Variants in MYRFL observed in about 807,000 individuals in gnomAD.
MYRFL encodes myelin regulatory factor-like protein.
In MYRFL, 88 loss-of-function variants were observed where a neutral mutation model predicts 109.4. The observed-to-expected ratio is 0.80, with a 90% CI of 0.68 to 0.96. MYRFL has a LOEUF of 0.96. Among genes scored for constraint, MYRFL ranks in the 40% least tolerant of loss-of-function variants. The probability of loss-of-function intolerance (pLI) is 0.00; values close to 1 mark genes in which losing one functional copy is unlikely to be tolerated. For missense variants in MYRFL, 957 were observed against 954.9 expected, an observed-to-expected ratio of 1.00 and a Z score of -0.03; for synonymous variants, 324 against 320.9, an observed-to-expected ratio of 1.01 and a Z score of -0.10.
rs560440973 is a variant in MYRFL, at chr12:69,849,072, ATGTTTGCCAGGCTGGTTTCAAACTCC to A, written c.47-6205_47-6180del. Among the ~76,000 whole-genome samples the A allele has an allele frequency of 1.8e-3, 272 of 152,282 alleles. 2 individuals carry two copies. The highest frequency in any genetic ancestry group is 6.3e-3 in the African/African-American group (260 of 41,550). ...TTTTTAGTAGAGACAGGGTTTCACC[ATGTTTGCCAGGCTGGTTTCAAACTCC>A]TGGGCTTAAGTGATCTGCCCATCTC... On this transcript the variant is annotated intron_variant, in intron 1 of 24. Transcript: ENST00000552032.
chr12:69,877,286 G>A (rs1885749422), intron 2 of MYRFL, among the ~76,000 whole-genome samples: 1 of 152,098 alleles, frequency 6.6e-6, no homozygotes, highest in South Asian at 2.1e-4. Flanking sequence ...GCCTCCCAAA[G>A]TGCTGGGATT....
chr12:69,947,320 G>A (rs1955863315), intron 19 of MYRFL, among the ~76,000 whole-genome samples: 3 of 152,248 alleles, frequency 2.0e-5, no homozygotes, highest in African/African-American at 4.8e-5. Context: ...AATAAAATAA[G>A]TGAAGGGAAA....
chr12:69,889,858 A>C (rs938035397), intron 6 of MYRFL, among the ~76,000 whole-genome samples: 32 of 152,120 alleles, frequency 2.1e-4, no homozygotes, highest in African/African-American at 7.7e-4. Context: ...TCTGTCTCAA[A>C]AAAAAAAAGT....
chr12:69,874,607 G>T (rs1203597825), intron 2 of MYRFL, among the ~76,000 whole-genome samples: 1 of 152,144 alleles, frequency 6.6e-6, no homozygotes, highest in Non-Finnish European at 1.5e-5. Context: ...CTGAATAACT[G>T]TCTTTAACAT....
At chr12:69,908,521 G>T (rs1481592219) in intron 11 of MYRFL, among the ~76,000 whole-genome samples, 2 of 152,206 alleles carry the variant, frequency 1.3e-5, no homozygotes, top group Non-Finnish European at 2.9e-5. Flanking sequence ...AGCAGAGTTT[G>T]TCTGAGGAAC....
At chr12:69,904,265 A>C (rs7978957) in intron 11 of MYRFL, 52,449 of 155,832 alleles carry the variant, frequency 0.34, 9,267 homozygotes, top group African/African-American at 0.43. Context: ...TTCCTTCTAG[A>C]GTCCCTGGCA....
chr12:69,957,580 G>GA (rs1198982066), intron 22 of MYRFL, among the ~76,000 whole-genome samples: 1 of 151,964 alleles, frequency 6.6e-6, no homozygotes, highest in African/African-American at 2.4e-5. Flanking sequence ...AGAAAAGAAA[G>GA]AAAAAAAGAA....
Position 69,886,976 on chromosome 12 carries a change from T to C in MYRFL, c.707+6T>C, listed in dbSNP as rs1011074335. The C allele has an allele frequency of 6.5e-7, 1 of 1,535,720 alleles. No individual in the cohort carries two copies. Among genetic ancestry groups the C allele is most frequent in the Non-Finnish European group, 8.7e-7 (1 of 1,146,626 alleles). On this transcript the variant is annotated splice_donor_region_variant and intron_variant, in intron 6 of 24. Coordinates refer to ENST00000552032, the MANE Select transcript of MYRFL (RefSeq NM_182530.3). ...AACAGTCATTATGAAAAACTGTAAG[T>C]GGCTTGAGTGGGCTGGAGAGTGAGG...
At chr12:69,885,532 G>A (rs1342536585) in intron 5 of MYRFL, among the ~76,000 whole-genome samples, 1 of 152,112 alleles carries the variant, frequency 6.6e-6, no homozygotes, top group African/African-American at 2.4e-5. Flanking sequence ...AGCCGCACCT[G>A]GTCTCACAAA....
At chr12:69,883,243 T>G (rs896469555) in intron 5 of MYRFL, among the ~76,000 whole-genome samples, 10 of 152,218 alleles carry the variant, frequency 6.6e-5, no homozygotes, top group Non-Finnish European at 1.5e-5. Context: ...ATTTGTTAAA[T>G]GAGATTAAGA....
chr12:69,935,954 C>A, intron 16 of MYRFL, 159 bp from the exon 17 acceptor site: 1 of 774,128 alleles, frequency 1.3e-6, no homozygotes, highest in East Asian at 2.7e-5. Context: ...GTGCTGGTTT[C>A]CATGGTGTTT....
intron 19 of MYRFL, among the ~76,000 whole-genome samples, chr12:69,938,415 T>G (rs1010716000): frequency 1.2e-4 from 18 of 152,216 alleles, no homozygotes; most frequent in African/African-American, 4.3e-4. Context: ...CAAGGGTTTC[T>G]TGACCTCTGA....
chr12:69,950,494 C>T (rs1289528902), intron 19 of MYRFL, among the ~76,000 whole-genome samples: 2 of 152,126 alleles, frequency 1.3e-5, no homozygotes, highest in Non-Finnish European at 2.9e-5. Flanking sequence ...TTTTCATAGC[C>T]TTTGCTTTCA....
chr12:69,921,750 G>A (rs561875506), intron 13 of MYRFL, among the ~76,000 whole-genome samples: 6 of 152,262 alleles, frequency 3.9e-5, no homozygotes, highest in African/African-American at 1.2e-4. Context: ...GGATCTACCT[G>A]TAAGATATAT....
intron 1 of MYRFL, among the ~76,000 whole-genome samples, chr12:69,852,662 A>C (rs1883953210): frequency 7.1e-6 from 1 of 140,640 alleles, no homozygotes; most frequent in South Asian, 2.1e-4. Context: ...TCATAGGACA[A>C]TAGTGGAGGG....
chr12:69,950,200 G>A (rs942235692), intron 19 of MYRFL, among the ~76,000 whole-genome samples: 7 of 152,108 alleles, frequency 4.6e-5, no homozygotes, highest in African/African-American at 1.2e-4. Flanking sequence ...TTACTGTAGG[G>A]ATAGTTTTGC....
chr12:69,946,945 C>T (rs1380982472), intron 19 of MYRFL: 2 of 152,256 alleles, frequency 1.3e-5, no homozygotes, highest in Admixed American at 6.5e-5. Flanking sequence ...ACTCTATGGC[C>T]CCTTCTGCCT....
intron 24 of MYRFL, 28 bp from the exon 25 acceptor site, chr12:69,958,417 C>A (rs1321396816): frequency 1.1e-5 from 16 of 1,497,794 alleles, no homozygotes; most frequent in Non-Finnish European, 1.4e-5. Context: ...CATTAATCTT[C>A]CTTTTTTTTT....
intron 8 of MYRFL, among the ~76,000 whole-genome samples, chr12:69,894,930 A>G (rs1953937022): frequency 3.9e-5 from 6 of 152,220 alleles, no homozygotes. Flanking sequence ...CCTTTGGAGG[A>G]AGCTGCCTCC....
Sources: allele counts gnomAD v4.1 joint callset (sites outside exome capture counted in the v4.1 genomes callset), GRCh38; gene constraint gnomAD v4.1.1; transcripts MANE v1.5; gene names NCBI Gene and HGNC (gene_info 2026-07-23, HGNC 2026-07-21).